MACROD2: variants seen among roughly 807,000 people sequenced by gnomAD.
The protein encoded by MACROD2 is ADP-ribose glycohydrolase MACROD2.
In MACROD2, 36 loss-of-function variants were observed where a neutral mutation model predicts 70.4. The observed-to-expected ratio is 0.51, with a 90% confidence interval of 0.39 to 0.68. The LOEUF is 0.68. Among genes scored for constraint, MACROD2 ranks in the 30% least tolerant of loss-of-function variants. MACROD2 has a pLI of 0.00. For missense variants in MACROD2, 496 were observed against 538.4 expected (o/e 0.92, Z 0.78); for synonymous variants, 172 against 178.8 (o/e 0.96, Z 0.30).
At chr20:15,857,701 A>G (rs1391578439) in intron 8 of MACROD2, among the ~76,000 whole-genome samples, 2 of 152,212 alleles carry the variant, frequency 1.3e-5, no homozygotes, top group African/African-American at 4.8e-5. Context: ...GAGAAATGCA[A>G]CTTCAGCTTA....
intron 3 of MACROD2, among the ~76,000 whole-genome samples, chr20:14,282,380 T>C (rs1387491753): frequency 6.6e-6 from 1 of 152,200 alleles, no homozygotes; most frequent in East Asian, 1.9e-4. Context: ...AAGTTGAAGA[T>C]GACTGACTCA....
chr20:14,337,343 G>T, intron 3 of MACROD2: 6 of 298,254 alleles, frequency 2.0e-5, no homozygotes, highest in East Asian at 5.1e-5. Flanking sequence ...TTTCTTTCTA[G>T]AGAGTAAAAC....
At chr20:14,126,856 T>G (rs2054657645) in intron 3 of MACROD2, among the ~76,000 whole-genome samples, 1 of 152,118 alleles carries the variant, frequency 6.6e-6, no homozygotes, top group African/African-American at 2.4e-5. Flanking sequence ...GACTGCTCCA[T>G]CAACTGGCTG....
At chr20:14,627,828 A>T (rs1253194531) in intron 4 of MACROD2, among the ~76,000 whole-genome samples, 1 of 152,202 alleles carries the variant, frequency 6.6e-6, no homozygotes, top group Non-Finnish European at 1.5e-5. Context: ...TCAATGACAA[A>T]AAATGCACTC....
chr20:15,658,014 A>G (rs914459826), intron 8 of MACROD2, among the ~76,000 whole-genome samples: 1 of 152,142 alleles, frequency 6.6e-6, no homozygotes, highest in Non-Finnish European at 1.5e-5. Context: ...AATAATAATT[A>G]GTTTTGTACC....
chr20:14,839,854 A>G (rs920028266), intron 5 of MACROD2, among the ~76,000 whole-genome samples: 3 of 152,102 alleles, frequency 2.0e-5, no homozygotes, highest in Admixed American at 1.3e-4. Flanking sequence ...GAAATTCTCA[A>G]TATTCTACTG....
At chr20:14,777,243 A>G (rs1200476899) in intron 5 of MACROD2, among the ~76,000 whole-genome samples, 6 of 151,984 alleles carry the variant, frequency 3.9e-5, no homozygotes, top group Non-Finnish European at 7.4e-5. Context: ...ATCATTTTAC[A>G]TTTCCACCAG....
At chr20:14,957,948 T>A (rs1289100619) in intron 5 of MACROD2, among the ~76,000 whole-genome samples, 1 of 152,186 alleles carries the variant, frequency 6.6e-6, no homozygotes, top group Non-Finnish European at 1.5e-5. Context: ...TTTGCTTTTC[T>A]CTGACCATAT....
intron 2 of MACROD2, among the ~76,000 whole-genome samples, chr20:14,074,326 C>T (rs948886591): frequency 2.6e-5 from 4 of 152,080 alleles, no homozygotes; most frequent in African/African-American, 4.8e-5. Context: ...TCCTGTGATA[C>T]GGGTAGGATT....
chr20:16,036,289 G>GTCC (rs749804457), intron 15 of MACROD2, among the ~76,000 whole-genome samples: 100,441 of 150,726 alleles, frequency 0.67, 34,498 homozygotes, highest in Non-Finnish European at 0.75. Context: ...TCCTCCCCCG[G>GTCC]CCAGCATCTC....
chr20:15,161,004 G>A (rs2076344510), intron 5 of MACROD2, among the ~76,000 whole-genome samples: 1 of 152,018 alleles, frequency 6.6e-6, no homozygotes, highest in Non-Finnish European at 1.5e-5. Flanking sequence ...CATGCACACT[G>A]TTATACAATT....
intron 2 of MACROD2, among the ~76,000 whole-genome samples, chr20:14,063,279 A>G (rs1355380869): frequency 6.6e-6 from 1 of 152,192 alleles, no homozygotes. Flanking sequence ...AAAAAGATGG[A>G]AATTTATTTC....
intron 7 of MACROD2, among the ~76,000 whole-genome samples, chr20:15,446,596 C>T (rs1449092681): frequency 3.3e-5 from 5 of 152,164 alleles, no homozygotes; most frequent in Admixed American, 2.6e-4. Flanking sequence ...AAAAGCCAGG[C>T]ATTCAACCAA....
At chr20:14,612,140 A>G (rs568213804) in intron 4 of MACROD2, among the ~76,000 whole-genome samples, 7 of 152,180 alleles carry the variant, frequency 4.6e-5, no homozygotes, top group Admixed American at 1.3e-4. Context: ...TTATCTAGCC[A>G]GATGTTTAAG....
At chr20:14,743,304 T>C (rs2071758089) in intron 5 of MACROD2, among the ~76,000 whole-genome samples, 1 of 152,066 alleles carries the variant, frequency 6.6e-6, no homozygotes, top group Non-Finnish European at 1.5e-5. Flanking sequence ...GGATGTTATA[T>C]AGTTGTGATG....
chr20:15,282,279 T>G (rs1457538778), intron 6 of MACROD2, among the ~76,000 whole-genome samples: 1 of 152,246 alleles, frequency 6.6e-6, no homozygotes, highest in African/African-American at 2.4e-5. Flanking sequence ...TCCTCGTTAC[T>G]TATGCAAATT....
At chr20:15,163,459 A>G (rs1192770724) in intron 5 of MACROD2, among the ~76,000 whole-genome samples, 1 of 152,038 alleles carries the variant, frequency 6.6e-6, no homozygotes, top group African/African-American at 2.4e-5. Context: ...ATTCTCACTA[A>G]TTAAGAGGTA....
intron 8 of MACROD2, among the ~76,000 whole-genome samples, chr20:15,501,056 A>C (rs1265772432): frequency 1.3e-5 from 2 of 152,222 alleles, no homozygotes; most frequent in Non-Finnish European, 2.9e-5. Flanking sequence ...CAAAAGGTTA[A>C]ATGACATACT....
Position 15,499,719 on chromosome 20 carries a change from T to C in MACROD2, c.572-55T>C. ...CTCCAGTATCATAGCGTGATTAGCC[T>C]CCCTTTTGCCTTCATCTTTCGTTGT... On this transcript the variant is annotated intron_variant, in intron 7 of 17. Transcript: ENST00000684519. 8.5e-6 allele frequency: 13 copies of C among 1,527,566 alleles called. 1 individual carries two copies. The South Asian group carries it at 1.3e-4, about 16-fold the overall frequency. 94.6% of individuals were successfully genotyped at this position (1,527,566 alleles called of 1,614,324 possible). A position where few individuals can be genotyped will look rare whatever the true frequency, so the allele number is the denominator to read the frequency against.
Sources: gnomAD v4.1 joint callset for allele counts (sites outside exome capture counted in the v4.1 genomes callset) on GRCh38, gnomAD v4.1.1 for gene constraint, MANE v1.5 for transcripts, NCBI Gene and HGNC (gene_info 2026-07-23, HGNC 2026-07-21) for gene names.